Variants in CEP63 observed in about 807,000 individuals in gnomAD.
The protein encoded by CEP63 is centrosomal protein of 63 kDa.
A neutral mutation model predicts 89.1 loss-of-function variants in CEP63; 84 were observed. The observed-to-expected ratio is 0.94, with a 90% confidence interval of 0.79 to 1.13. The LOEUF is 1.13. Ranked by LOEUF, CEP63 falls within the 50% of genes most tolerant of loss-of-function variation. CEP63 has a pLI of 0.00. For synonymous variants in CEP63, 267 were observed against 272.5 expected, an observed-to-expected ratio of 0.98 and a Z score of 0.20; for missense variants, 838 against 813.3, an observed-to-expected ratio of 1.03 and a Z score of -0.37.
At position 134,493,013 on chromosome 3, in the gene CEP63, TTAAA is replaced by T. The variant is rs537987731; in HGVS notation, c.-25-2280_-25-2277del. 3.1e-3 allele frequency among the ~76,000 whole-genome samples: 475 copies of T among 152,294 alleles called. 1 individual carries two copies. The highest frequency in any genetic ancestry group is 0.011 in the African/African-American group (443 of 41,576). ...AGTAACTTAACTTCTAAGTATATTA[TTAAA>T]TAGTCATAGAAAATATATTAATGTA... On this transcript the variant is annotated intron_variant, in intron 1 of 14. Transcript: ENST00000675561.
chr3:134,618,247 C>T, the CEP63 span, among the ~76,000 whole-genome samples: 6 of 152,104 alleles, frequency 3.9e-5, no homozygotes, highest in Admixed American at 2.6e-4. Flanking sequence ...ACCCAGTGCT[C>T]GGCAGCTGCC....
chr3:134,629,688 T>A, the CEP63 span: 1 of 1,589,748 alleles, frequency 6.3e-7, no homozygotes, highest in South Asian at 1.2e-5. Context: ...CCACAGTCAG[T>A]TGTGTCCCTA....
intron 3 of CEP63, among the ~76,000 whole-genome samples, chr3:134,525,647 G>C (rs929507706): frequency 6.6e-6 from 1 of 152,178 alleles, no homozygotes; most frequent in African/African-American, 2.4e-5. Flanking sequence ...GTCTGTTTTT[G>C]TAGTGGCTGT....
At chr3:134,692,271 C>T in the CEP63 span, among the ~76,000 whole-genome samples, 8 of 152,224 alleles carry the variant, frequency 5.3e-5, no homozygotes, top group Middle Eastern at 6.8e-3. Context: ...CCCCCAACCC[C>T]ATGACAGGCC....
the CEP63 span, among the ~76,000 whole-genome samples, chr3:134,779,453 C>T: frequency 6.6e-6 from 1 of 152,176 alleles, no homozygotes; most frequent in Non-Finnish European, 1.5e-5. Context: ...TCCTGGCATA[C>T]ATGTGCAAGG....
intron 2 of CEP63, among the ~76,000 whole-genome samples, chr3:134,505,412 T>A (rs777405111): frequency 9.9e-5 from 15 of 152,216 alleles, no homozygotes; most frequent in Non-Finnish European, 1.8e-4. Flanking sequence ...TTTCAGTGAC[T>A]TGGACTGTGA....
chr3:134,606,815 T>TCCTCCTCCTCCCCTCTC, the CEP63 span, among the ~76,000 whole-genome samples: 2 of 150,786 alleles, frequency 1.3e-5, no homozygotes, highest in Non-Finnish European at 2.9e-5. Flanking sequence ...AGTCCCCTCT[T>TCCTCCTCCTCCCCTCTC]CCTCCTCCTC....
chr3:134,651,852 GT>G, the CEP63 span, among the ~76,000 whole-genome samples: 3 of 152,168 alleles, frequency 2.0e-5, no homozygotes, highest in Admixed American at 1.3e-4. Context: ...AGCAGCAGGG[GT>G]TTGGCTGTAG....
the CEP63 span, among the ~76,000 whole-genome samples, chr3:134,753,685 A>C: frequency 6.6e-6 from 1 of 152,198 alleles, no homozygotes; most frequent in Non-Finnish European, 1.5e-5. Flanking sequence ...TTTGCAGGTA[A>C]GTTTTCCAGC....
intron 10 of CEP63, among the ~76,000 whole-genome samples, chr3:134,585,837 G>A (rs546796238): frequency 6.6e-6 from 1 of 152,232 alleles, no homozygotes; most frequent in East Asian, 1.9e-4. Context: ...AAGTCTCTTT[G>A]TAGGTCTCTA....
chr3:134,692,208 C>T, the CEP63 span, among the ~76,000 whole-genome samples: 3 of 152,222 alleles, frequency 2.0e-5, no homozygotes, highest in Middle Eastern at 6.8e-3. Context: ...GTACTGCACC[C>T]ATTAACTCGT....
the CEP63 span, among the ~76,000 whole-genome samples, chr3:134,680,560 C>T: frequency 1.3e-5 from 2 of 152,188 alleles, no homozygotes; most frequent in East Asian, 1.9e-4. Flanking sequence ...CAAGTCAAGA[C>T]ATATGACTTT....
chr3:134,536,076 C>T (rs1185199196), intron 5 of CEP63: 2 of 152,114 alleles, frequency 1.3e-5, no homozygotes, highest in African/African-American at 4.8e-5. Context: ...AATATTGTAA[C>T]TTCACCCTCA....
the CEP63 span, among the ~76,000 whole-genome samples, chr3:134,745,416 A>G: frequency 6.6e-6 from 1 of 152,200 alleles, no homozygotes; most frequent in East Asian, 1.9e-4. Flanking sequence ...CAATTCATAA[A>G]GTCTGAACAA....
At chr3:134,769,464 A>T in the CEP63 span, among the ~76,000 whole-genome samples, 628 of 152,320 alleles carry the variant, frequency 4.1e-3, 2 homozygotes, top group African/African-American at 0.014. Flanking sequence ...GCTGCCTAAG[A>T]CTGCATGTGA....
At chr3:134,644,984 C>T in the CEP63 span, among the ~76,000 whole-genome samples, 1 of 152,252 alleles carries the variant, frequency 6.6e-6, no homozygotes, top group East Asian at 1.9e-4. Flanking sequence ...CTTCTGCAGG[C>T]ACAGCTGGCA....
chr3:134,555,207 T>C (rs1341931906), intron 12 of CEP63, among the ~76,000 whole-genome samples: 1 of 151,968 alleles, frequency 6.6e-6, no homozygotes, highest in Non-Finnish European at 1.5e-5. Flanking sequence ...CTTTGAAAAC[T>C]GGCACAAGAC....
the CEP63 span, among the ~76,000 whole-genome samples, chr3:134,599,029 G>C: frequency 6.6e-6 from 1 of 152,194 alleles, no homozygotes; most frequent in South Asian, 2.1e-4. Flanking sequence ...CCAGGGGCAG[G>C]CTCTTAACAC....
the CEP63 span, among the ~76,000 whole-genome samples, chr3:134,658,077 T>C: frequency 6.6e-6 from 1 of 152,080 alleles, no homozygotes; most frequent in Non-Finnish European, 1.5e-5. Context: ...TTTGTATTTT[T>C]AGTAGAGACG....
Sources: allele counts gnomAD v4.1 joint callset (sites outside exome capture counted in the v4.1 genomes callset), GRCh38; gene constraint gnomAD v4.1.1; transcripts MANE v1.5; gene names NCBI Gene and HGNC (gene_info 2026-07-23, HGNC 2026-07-21).